SIPA1L1: variants seen among roughly 807,000 people sequenced by gnomAD.
SIPA1L1 encodes signal induced proliferation associated 1 like 1.
A neutral mutation model predicts 162.7 loss-of-function variants in SIPA1L1; 26 were observed. That is an observed-to-expected ratio of 0.16 (90% CI 0.12 to 0.22). The LOEUF (loss-of-function observed/expected upper bound fraction) is 0.22. SIPA1L1 is among the 10% of genes least tolerant of loss of function. SIPA1L1 has a pLI of 1.00. For synonymous variants in SIPA1L1, 829 were observed against 837.4 expected, an observed-to-expected ratio of 0.99 and a Z score of 0.17; for missense variants, 1,874 against 2,241.0, an observed-to-expected ratio of 0.84 and a Z score of 3.31.
At chr14:71,464,604 G>A (rs1184841407) in intron 2 of SIPA1L1, among the ~76,000 whole-genome samples, 3 of 152,042 alleles carry the variant, frequency 2.0e-5, no homozygotes, top group South Asian at 4.1e-4. Flanking sequence ...TCATGCCACT[G>A]CACTCCAGCC....
intron 2 of SIPA1L1, among the ~76,000 whole-genome samples, chr14:71,475,363 AT>A (rs942326533): frequency 4.6e-5 from 7 of 151,734 alleles, no homozygotes; most frequent in Non-Finnish European, 7.4e-5. Context: ...TTTGTAACTG[AT>A]TTTTTTTTAT....
At chr14:71,320,703 T>TC (rs140256891) in intron 1 of SIPA1L1, among the ~76,000 whole-genome samples, 200 bp downstream of exon 1, 6,898 of 91,146 alleles carry the variant, frequency 0.076, 238 homozygotes, top group Middle Eastern at 0.16. Context: ...CACCTCCTCA[T>TC]CCCCCCCCCG....
intron 7 of SIPA1L1, among the ~76,000 whole-genome samples, chr14:71,633,880 G>A (rs537969630): frequency 1.2e-4 from 19 of 152,244 alleles, no homozygotes; most frequent in African/African-American, 4.6e-4. Flanking sequence ...TGGAAGAAGA[G>A]GAGAAAGATG....
At chr14:71,545,188 AT>A (rs1468929506) in intron 4 of SIPA1L1, among the ~76,000 whole-genome samples, 1 of 152,192 alleles carries the variant, frequency 6.6e-6, no homozygotes. Flanking sequence ...TGCTTTGTAT[AT>A]TATAGATCCT....
intron 2 of SIPA1L1, among the ~76,000 whole-genome samples, chr14:71,465,449 T>G (rs2142016037): frequency 6.6e-6 from 1 of 152,330 alleles, no homozygotes; most frequent in South Asian, 2.1e-4. Context: ...TTCATTATGT[T>G]CCTTGGTTCT....
intron 5 of SIPA1L1, among the ~76,000 whole-genome samples, chr14:71,606,268 CGT>C (rs889931327): frequency 6.6e-6 from 1 of 152,104 alleles, no homozygotes; most frequent in African/African-American, 2.4e-5. Flanking sequence ...ACCTGCAGGC[CGT>C]GAAGTCTGTC....
chr14:71,324,900 A>G (rs181545105), intron 2 of SIPA1L1, among the ~76,000 whole-genome samples: 102 of 152,270 alleles, frequency 6.7e-4, no homozygotes, highest in Non-Finnish European at 1.2e-3. Context: ...AAAACAGGAC[A>G]TAAAACAGGA....
At chr14:71,436,250 T>C (rs1351653543) in intron 2 of SIPA1L1, among the ~76,000 whole-genome samples, 1 of 152,208 alleles carries the variant, frequency 6.6e-6, no homozygotes, top group African/African-American at 2.4e-5. Flanking sequence ...TTGTCGTTTA[T>C]GGTAATTTTT....
intron 2 of SIPA1L1, among the ~76,000 whole-genome samples, chr14:71,489,098 G>T (rs1448010298): frequency 6.6e-6 from 1 of 152,210 alleles, no homozygotes; most frequent in Non-Finnish European, 1.5e-5. Flanking sequence ...CTGCTTAGGA[G>T]TCCAGCCAGA....
At chr14:71,474,544 T>C (rs962404236) in intron 2 of SIPA1L1, among the ~76,000 whole-genome samples, 4 of 152,202 alleles carry the variant, frequency 2.6e-5, no homozygotes, top group Non-Finnish European at 5.9e-5. Flanking sequence ...GATCACAATA[T>C]AAAAAGGTCT....
chr14:71,389,867 TG>T (rs1410148174), intron 2 of SIPA1L1, among the ~76,000 whole-genome samples: 1 of 151,550 alleles, frequency 6.6e-6, no homozygotes, highest in Non-Finnish European at 1.5e-5. Flanking sequence ...CGGAGGAGAG[TG>T]GGAAAGGGAA....
Position 71,465,557 on chromosome 14 carries a change from G to A in SIPA1L1, c.-464-47186G>A, listed in dbSNP as rs754447609. Reference sequence around the variant, plus strand: ...TATTTTGCATAACTCTAAACAGTTCGTGCCAAGGACTCTCAGTGTTATCTG... The same window carrying A: ...TATTTTGCATAACTCTAAACAGTTCATGCCAAGGACTCTCAGTGTTATCTG... On this transcript the variant is annotated intron_variant, in intron 2 of 23. Transcript: ENST00000381232. Among the ~76,000 whole-genome samples, 13 of 152,120 alleles carry A rather than the reference G, an allele frequency of 8.5e-5. No homozygotes were observed. In the South Asian group the frequency reaches 1.0e-3, roughly 12 times the overall value.
intron 17 of SIPA1L1, among the ~76,000 whole-genome samples, chr14:71,723,072 T>C (rs2083894447): frequency 6.6e-6 from 1 of 152,254 alleles, no homozygotes; most frequent in South Asian, 2.1e-4. Context: ...TGCCCTAGTT[T>C]TGTAATCTTT....
At chr14:71,660,915 A>G (rs2149242529) in intron 9 of SIPA1L1, among the ~76,000 whole-genome samples, 1 of 152,360 alleles carries the variant, frequency 6.6e-6, no homozygotes, top group East Asian at 1.9e-4. Flanking sequence ...GAGGCCAGTT[A>G]AACCAGAACA....
chr14:71,358,717 G>A (rs1025792624), intron 2 of SIPA1L1, among the ~76,000 whole-genome samples: 3 of 152,144 alleles, frequency 2.0e-5, no homozygotes, highest in Non-Finnish European at 2.9e-5. Flanking sequence ...ATTGATTCAC[G>A]GTTCCACAGG....
chr14:71,672,745 T>C, intron 12 of SIPA1L1, 123 bp downstream of exon 12: 1 of 1,067,944 alleles, frequency 9.4e-7, no homozygotes. Context: ...CATGTGATGC[T>C]GAATGTTTCA....
At chr14:71,416,923 T>A (rs912413322) in intron 2 of SIPA1L1, among the ~76,000 whole-genome samples, 1 of 152,100 alleles carries the variant, frequency 6.6e-6, no homozygotes, top group African/African-American at 2.4e-5. Flanking sequence ...ATACAGTTTT[T>A]AAAATTAAAT....
chr14:71,608,756 G>A (rs1432694396), intron 5 of SIPA1L1, among the ~76,000 whole-genome samples: 2 of 151,982 alleles, frequency 1.3e-5, no homozygotes, highest in East Asian at 1.9e-4. Flanking sequence ...TAAGCCGGGC[G>A]TGGTGGTGCA....
intron 12 of SIPA1L1, 140 bp from the exon 13 acceptor site, chr14:71,685,222 G>A: frequency 1.1e-6 from 1 of 913,660 alleles, no homozygotes. Context: ...TAAGTACTAG[G>A]GCCCAAAGAT....
Sources: gnomAD v4.1 joint callset for allele counts (sites outside exome capture counted in the v4.1 genomes callset) on GRCh38, gnomAD v4.1.1 for gene constraint, MANE v1.5 for transcripts, NCBI Gene and HGNC (gene_info 2026-07-23, HGNC 2026-07-21) for gene names.